The following CES3 variants were observed in gnomAD, a reference collection of about 807,000 sequenced individuals.
CES3 encodes the protein carboxylesterase 3, also known as carboxylesterase 3 (brain).
CES3 carries 49 observed loss-of-function variants against 57.6 expected under a neutral mutation model. The ratio of observed to expected loss-of-function variants is 0.85; its 90% CI spans 0.68 to 1.08. The LOEUF is 1.08. CES3 is among the 50% of genes least tolerant of loss of function. The pLI is 0.00. For missense variants in CES3, 645 were observed against 742.0 expected (o/e 0.87, Z 1.52); for synonymous variants, 266 against 281.6 (o/e 0.94, Z 0.55).
At position 66,963,607 on chromosome 16, in the gene CES3, TCC is replaced by T; in HGVS notation, c.407_408del (p.Pro136ArgfsTer5). ...CTCAACGTCTATAGCCCAGCTGAGGTCCCCGCAGGGTCCGGTAGGCCGGTAGG... is the reference window on the plus strand; with the variant it reads ...CTCAACGTCTATAGCCCAGCTGAGGTCCGCAGGGTCCGGTAGGCCGGTAGG... On this transcript the variant is annotated frameshift_variant, in exon 3 of 13. Transcript: ENST00000303334. LOFTEE classifies it high-confidence loss of function. This position sits in a 1 kb window ranked among gnomAD's most constrained non-coding sequence, Gnocchi z 4.9. 6.2e-7 allele frequency: 1 copy of T among 1,614,122 alleles called. No individual in the cohort carries two copies. Among genetic ancestry groups the T allele is most frequent in the South Asian group, 1.1e-5 (1 of 91,080 alleles).
At chr16:66,971,504 C>T (rs1281798013) in intron 10 of CES3, among the ~76,000 whole-genome samples, 185 bp downstream of exon 10, 7 of 152,178 alleles carry the variant, frequency 4.6e-5, no homozygotes, top group Admixed American at 4.6e-4. Context: ...GTATCTCCAG[C>T]AGGAAACTAT....
At chr16:66,961,633 G>A (rs1483700810) in intron 1 of CES3, among the ~76,000 whole-genome samples, 2 of 152,046 alleles carry the variant, frequency 1.3e-5, no homozygotes, top group Admixed American at 6.6e-5. Flanking sequence ...GCGCGATCTC[G>A]GCTCACTGCA....
chr16:66,962,639 G>GT (rs1247424302), intron 1 of CES3, among the ~76,000 whole-genome samples: 1 of 152,204 alleles, frequency 6.6e-6, no homozygotes, highest in Non-Finnish European at 1.5e-5. Flanking sequence ...GCTCATGCCT[G>GT]TAATGCCAGC....
rs767321179 is a variant in CES3, at chr16:66,963,985, G to T, written c.560+50G>T. The T allele has an allele frequency of 6.3e-7, 1 of 1,591,508 alleles. No homozygotes were observed. The highest frequency in any genetic ancestry group is 1.3e-5 in the African/African-American group (1 of 74,616). On this transcript the variant is annotated intron_variant, in intron 4 of 12. Coordinates refer to ENST00000303334, the MANE Select transcript of CES3 (RefSeq NM_024922.6). This position sits in a 1 kb window ranked among gnomAD's most constrained non-coding sequence, Gnocchi z 4.9. ...CACTGCCTGCACCGGGGAGAGGCCAGCTCACCAGAGCAACTGGGGATCTAG... is the reference window on the plus strand; with the variant it reads ...CACTGCCTGCACCGGGGAGAGGCCATCTCACCAGAGCAACTGGGGATCTAG...
At chr16:66,972,596 C>T (rs1963857118) in intron 11 of CES3, 72 bp from the exon 12 acceptor site, 4 of 1,611,334 alleles carry the variant, frequency 2.5e-6, no homozygotes, top group Non-Finnish European at 3.4e-6. Context: ...CTCCAGTCAG[C>T]ACTGAGGATC....
rs776957718 is a variant in CES3 at position 66,971,317 on chromosome 16, G to C, written c.1289G>C (p.Arg430Pro). 1.9e-6 allele frequency: 3 copies of C among 1,612,598 alleles called. No homozygotes were observed. Among genetic ancestry groups the C allele is most frequent in the Admixed American group, 1.7e-5 (1 of 59,908 alleles). ...ACCGTCAGTTTTTCAAGATACCTTC[G>C]AGGTAAGCCTGTCCCTGGCCACCTG... ...VPTVSFSRYL[R>P]DSGSPVFFYE... is the part of the protein sequence containing the mutation. Residue 430 changes from arginine (R) to proline (P), a missense_variant and splice_region_variant, in exon 10 of 13, where the codon CGA (arginine) becomes CCA (proline). Transcript: ENST00000303334.
At position 66,972,598 on chromosome 16, in the gene CES3, C is replaced by G. The variant is rs991435892; in HGVS notation, c.1442-70C>G. On this transcript the variant is annotated intron_variant, in intron 11 of 12. Coordinates refer to ENST00000303334, the MANE Select transcript of CES3 (RefSeq NM_024922.6). ...CAGGAACACGGGTCTCCAGTCAGCA[C>G]TGAGGATCCTTGGGTCCCTTCCAGG... 4 of 1,611,874 alleles carry G rather than the reference C, an allele frequency of 2.5e-6. No individual in the cohort carries two copies. In the African/African-American group the frequency reaches 4.0e-5, roughly 16 times the overall value.
intron 6 of CES3, 102 bp downstream of exon 6, chr16:66,964,829 C>G: frequency 1.2e-6 from 1 of 845,310 alleles, no homozygotes; most frequent in Non-Finnish European, 1.8e-6. Flanking sequence ...GCAGGGAGCT[C>G]CCTGTTAGCA....
chr16:66,963,420 T>C lies in CES3; in HGVS notation c.287+37T>C. ...TGGTGGAGGCGGGCAAACAGGCAGG[T>C]TGCAGGAGAATCCTGCTGCTGGGGC... On this transcript the variant is annotated intron_variant, in intron 2 of 12. Transcript: ENST00000303334. This position sits in a 1 kb window ranked among gnomAD's most constrained non-coding sequence, Gnocchi z 4.9. 6.2e-7 allele frequency: 1 copy of C among 1,611,192 alleles called. No homozygotes were observed. The highest frequency in any genetic ancestry group is 1.1e-5 in the South Asian group (1 of 91,040).
intron 7 of CES3, 118 bp downstream of exon 7, chr16:66,966,463 A>T: frequency 9.6e-7 from 1 of 1,039,322 alleles, no homozygotes; most frequent in East Asian, 2.6e-5. Context: ...GCAGCTCATG[A>T]GGGGAAGGGG....
At position 66,969,770 on chromosome 16, in the gene CES3, AGGCAGGAGGGAGGAAGCTAG is replaced by A. The variant is rs757529689; in HGVS notation, c.1143+32_1143+51del. On this transcript the variant is annotated intron_variant, in intron 9 of 12. Coordinates refer to ENST00000303334, the MANE Select transcript of CES3 (RefSeq NM_024922.6). ...GTCTTGACCAGTCTGGTGAGACAAG[AGGCAGGAGGGAGGAAGCTAG>A]GGCAGGAGGGAGGAAGCTAGTGGGT... The A allele has an allele frequency of 5.6e-5, 90 of 1,608,604 alleles. No homozygotes were observed. The highest frequency in any genetic ancestry group is 4.7e-4 in the Admixed American group (28 of 59,422).
chr16:66,967,248 T>G (rs1268698652), intron 8 of CES3, among the ~76,000 whole-genome samples: 1 of 152,044 alleles, frequency 6.6e-6, no homozygotes, highest in Non-Finnish European at 1.5e-5. Context: ...ACACCCAGCT[T>G]TCACCACGTT....
intron 9 of CES3, 130 bp from the exon 10 acceptor site, chr16:66,971,042 C>A: frequency 1.0e-6 from 1 of 1,001,760 alleles, no homozygotes; most frequent in Non-Finnish European, 1.4e-6. Context: ...GGCAGAGAGG[C>A]AGCTGGCTGT....
In CES3 at chr16:66,963,033, A is replaced by G; in HGVS notation, c.83-146A>G. 9.3e-6 allele frequency: 8 copies of G among 856,416 alleles called. No individual in the cohort carries two copies. Among genetic ancestry groups the G allele is most frequent in the Non-Finnish European group, 1.5e-5 (8 of 523,674 alleles). The allele number at this position is 856,416 out of a possible 1,614,324, so 53.1% of individuals were successfully genotyped here. ...GCAGGGAGGAGGAAGTTGGGCGTCA[A>G]CCTAAGACCAGGCTCACCGGCTTGC... On this transcript the variant is annotated intron_variant, in intron 1 of 12. Transcript: ENST00000303334. This position sits in a 1 kb window ranked among gnomAD's most constrained non-coding sequence, Gnocchi z 4.9.
At position 66,973,034 on chromosome 16, in the gene CES3, C is replaced by T. The variant is rs1963870024; in HGVS notation, c.1701C>T (p.Ala567=). ...QWHQKQKNRK[A]QEDL ...ACCAGAAGCAGAAGAACAGGAAGGC[C>T]CAGGAGGACCTCTGAGGCCAGGCCT... Residue 567 remains alanine, a synonymous_variant, in exon 13 of 13, where the codon GCC becomes GCT. Coordinates refer to ENST00000303334, the MANE Select transcript of CES3 (RefSeq NM_024922.6). 1 of 1,613,836 alleles carries T rather than the reference C, an allele frequency of 6.2e-7. No homozygotes were observed. The highest frequency in any genetic ancestry group is 8.5e-7 in the Non-Finnish European group (1 of 1,179,974).
At position 66,964,490 on chromosome 16, in the gene CES3, G is replaced by A. The variant is rs1184982169; in HGVS notation, c.694G>A (p.Gly232Arg). Reference sequence around the variant, plus strand: ...CACTGTCTTTGGTGGATCTGCCGGTGGGAGCATCATCTCTGGCCTGGTAAG... The same window carrying A: ...CACTGTCTTTGGTGGATCTGCCGGTAGGAGCATCATCTCTGGCCTGGTAAG... ...CVTVFGGSAG[G>R]SIISGLVLSP... is the part of the protein sequence containing the mutation. The change falls in exon 5 of 13, where the codon GGG becomes AGG. Residue 232 changes from glycine (G) to arginine (R), a missense_variant. Coordinates refer to ENST00000303334, the MANE Select transcript of CES3 (RefSeq NM_024922.6). 1.2e-6 allele frequency: 2 copies of A among 1,614,116 alleles called. No individual in the cohort carries two copies. Among genetic ancestry groups the A allele is most frequent in the Non-Finnish European group, 8.5e-7 (1 of 1,179,994 alleles).
In CES3 at chr16:66,964,351, C is replaced by T. The variant is rs1014393608; in HGVS notation, c.561-6C>T. The T allele has an allele frequency of 1.3e-5, 21 of 1,613,320 alleles. No individual in the cohort carries two copies. The highest frequency in any genetic ancestry group is 1.7e-5 in the Non-Finnish European group (20 of 1,179,816). On this transcript the variant is annotated splice_polypyrimidine_tract_variant and splice_region_variant and intron_variant, in intron 4 of 12. Coordinates refer to ENST00000303334, the MANE Select transcript of CES3 (RefSeq NM_024922.6). ...GAACTAACCGTTGCCCCAACACTGCCCCCAGCACTGGAGATGAGCATGCAC... is the reference window on the plus strand; with the variant it reads ...GAACTAACCGTTGCCCCAACACTGCTCCCAGCACTGGAGATGAGCATGCAC...
chr16:66,963,397 G>A lies in CES3; in HGVS notation c.287+14G>A. ...TGCGCCCCCAATGTGAGTAGTGCTG[G>A]TGGAGGCGGGCAAACAGGCAGGTTG... is the stretch of plus-strand genomic sequence containing the variant. On this transcript the variant is annotated intron_variant, in intron 2 of 12. Coordinates refer to ENST00000303334, the MANE Select transcript of CES3 (RefSeq NM_024922.6). This position sits in a 1 kb window ranked among gnomAD's most constrained non-coding sequence, Gnocchi z 4.9. 2.5e-6 allele frequency: 4 copies of A among 1,612,344 alleles called. No individual in the cohort carries two copies. The highest frequency in any genetic ancestry group is 2.5e-6 in the Non-Finnish European group (3 of 1,179,378).
intron 9 of CES3, among the ~76,000 whole-genome samples, chr16:66,970,109 GT>G (rs369272818): frequency 0.24 from 31,099 of 127,480 alleles, 2,898 homozygotes; most frequent in African/African-American, 0.42. Context: ...TCTTTTCTTT[GT>G]TTTTTTTTTT....
Sources: gnomAD v4.1 joint callset for allele counts (sites outside exome capture counted in the v4.1 genomes callset) on GRCh38, gnomAD v4.1.1 for gene constraint, Gnocchi (gnomAD v3.1) non-coding constraint, MANE v1.5 for transcripts, NCBI Gene and HGNC (gene_info 2026-07-23, HGNC 2026-07-21) for gene names.